MORF4L1: variants seen among roughly 807,000 people sequenced by gnomAD.
MORF4L1 encodes the protein mortality factor 4-like protein 1.
A neutral mutation model predicts 52.9 loss-of-function variants in MORF4L1; 4 were observed. The ratio of observed to expected loss-of-function variants is 0.08; its 90% CI spans 0.04 to 0.17. The LOEUF is 0.17. Ranked by LOEUF, MORF4L1 falls within the 10% of genes least tolerant of loss-of-function variation. MORF4L1 has a pLI of 1.00. For synonymous variants in MORF4L1, 123 were observed against 134.8 expected (o/e 0.91, Z 0.61); for missense variants, 214 against 390.4 (o/e 0.55, Z 3.81).
intron 2 of MORF4L1, among the ~76,000 whole-genome samples, chr15:78,878,731 G>A (rs2056542454): frequency 6.6e-6 from 1 of 152,178 alleles, no homozygotes; most frequent in Non-Finnish European, 1.5e-5. Flanking sequence ...TTGTATCAGG[G>A]TGTGCTCAAG....
intron 3 of MORF4L1, among the ~76,000 whole-genome samples, chr15:78,884,674 CACACACACA>C (rs2056667314): frequency 6.8e-6 from 1 of 146,944 alleles, no homozygotes; most frequent in Non-Finnish European, 1.5e-5. Context: ...CACACACACA[CACACACACA>C]CACAAATATC....
chr15:78,880,902 T>C (rs2056590289), intron 3 of MORF4L1, among the ~76,000 whole-genome samples: 1 of 151,906 alleles, frequency 6.6e-6, no homozygotes, highest in Admixed American at 6.6e-5. Context: ...GGTACATTTT[T>C]AGGATGGCCT....
intron 5 of MORF4L1, among the ~76,000 whole-genome samples, chr15:78,889,742 G>A (rs915900401): frequency 2.6e-5 from 4 of 152,044 alleles, no homozygotes; most frequent in Non-Finnish European, 5.9e-5. Context: ...CCAAACATAA[G>A]TTAATTTGAA....
At chr15:78,891,238 C>A in intron 6 of MORF4L1, 1 of 670,736 alleles carries the variant, frequency 1.5e-6, no homozygotes, top group South Asian at 1.7e-5. Flanking sequence ...TTAATGTCTC[C>A]CACTGAGAAG....
At chr15:78,887,561 A>G (rs1404411864) in intron 5 of MORF4L1, 14 of 423,504 alleles carry the variant, frequency 3.3e-5, no homozygotes, top group Non-Finnish European at 3.4e-5. Context: ...ACTTGTGTGT[A>G]TAAATATATG....
chr15:78,886,708 C>T (rs56687292), intron 4 of MORF4L1, among the ~76,000 whole-genome samples: 19,711 of 152,156 alleles, frequency 0.13, 1,351 homozygotes, highest in East Asian at 0.26. Flanking sequence ...GTAATCCCAG[C>T]ATTTTGGGAG....
chr15:78,896,168 G>A (rs1231149717), intron 11 of MORF4L1, among the ~76,000 whole-genome samples: 1 of 151,840 alleles, frequency 6.6e-6, no homozygotes, highest in African/African-American at 2.4e-5. Context: ...TAGTAGAGAT[G>A]GGGTTTTGCC....
intron 1 of MORF4L1, among the ~76,000 whole-genome samples, chr15:78,877,112 GATTTTT>G (rs1202611929): frequency 3.2e-5 from 3 of 94,424 alleles, no homozygotes; most frequent in Admixed American, 1.6e-4. Flanking sequence ...ACGCCCGGCT[GATTTTT>G]TTTTTTTTTT....
Position 78,880,453 on chromosome 15 carries a change from A to G in MORF4L1, c.88-59A>G, listed in dbSNP as rs1596241506. On this transcript the variant is annotated intron_variant, in intron 2 of 11. Coordinates refer to ENST00000426013, the MANE Select transcript of MORF4L1 (RefSeq NM_006791.4). ...TAGAGTGTCTTTGAAGGATGATTTG[A>G]AAAGGTAGTGTCTTTAAAAAATTTC... The G allele has an allele frequency of 2.4e-6, 3 of 1,258,804 alleles. No homozygotes were observed. The East Asian group carries it at 7.3e-5, about 31-fold the overall frequency. The allele number at this position is 1,258,804 out of a possible 1,614,324, so 78.0% of individuals were successfully genotyped here. A position where few individuals can be genotyped will look rare whatever the true frequency, so the allele number is the denominator to read the frequency against.
At chr15:78,885,088 AT>A (rs747773683) in intron 3 of MORF4L1, 45 of 1,588,430 alleles carry the variant, frequency 2.8e-5, no homozygotes, top group Non-Finnish European at 3.7e-5. Context: ...CTCTAGGTAA[AT>A]GCATGTTTTG....
intron 4 of MORF4L1, among the ~76,000 whole-genome samples, chr15:78,887,029 A>G (rs145597368): frequency 3.6e-4 from 55 of 152,226 alleles, no homozygotes; most frequent in East Asian, 1.2e-3. Context: ...TCCAAAACAA[A>G]TGGAATTTTC....
At chr15:78,895,404 A>G (rs557987757) in intron 11 of MORF4L1, among the ~76,000 whole-genome samples, 6 of 152,164 alleles carry the variant, frequency 3.9e-5, no homozygotes, top group Non-Finnish European at 8.8e-5. Context: ...TATGTCAGAA[A>G]TAATGATGAA....
chr15:78,877,655 T>G (rs1596239380), intron 1 of MORF4L1: 1 of 152,300 alleles, frequency 6.6e-6, no homozygotes. Flanking sequence ...TTAGGCTTTA[T>G]TGTCTCATTT....
chr15:78,877,865 G>C (rs913122263), intron 1 of MORF4L1: 1 of 182,778 alleles, frequency 5.5e-6, no homozygotes, highest in African/African-American at 2.3e-5. Context: ...GATGAGGAAA[G>C]CATTTAAAAA....
chr15:78,876,541 C>T (rs975989516), intron 1 of MORF4L1: 2 of 455,856 alleles, frequency 4.4e-6, no homozygotes, highest in African/African-American at 4.0e-5. Flanking sequence ...GCCTCGGTTT[C>T]AGTGCACTTT....
intron 1 of MORF4L1, among the ~76,000 whole-genome samples, chr15:78,874,268 A>G (rs923531863): frequency 1.3e-5 from 2 of 152,164 alleles, no homozygotes; most frequent in Admixed American, 1.3e-4. Context: ...GGGTTTTTAG[A>G]CTTGCATTAG....
intron 3 of MORF4L1, among the ~76,000 whole-genome samples, chr15:78,883,958 C>G (rs1352010961): frequency 1.3e-5 from 2 of 152,088 alleles, no homozygotes; most frequent in East Asian, 3.9e-4. Flanking sequence ...GTAATCCCAG[C>G]ACTTTGGGAG....
At chr15:78,890,740 C>T (rs1465899610) in intron 5 of MORF4L1, 3 of 250,972 alleles carry the variant, frequency 1.2e-5, no homozygotes, top group Non-Finnish European at 1.5e-5. Context: ...TCTTCACCTC[C>T]CAAAATGCTG....
At chr15:78,883,638 G>A (rs148797635) in intron 3 of MORF4L1, among the ~76,000 whole-genome samples, 145 of 152,256 alleles carry the variant, frequency 9.5e-4, no homozygotes, top group African/African-American at 3.3e-3. Flanking sequence ...AGAAAAAATA[G>A]CATCAAATAT....
Sources: allele counts gnomAD v4.1 joint callset (sites outside exome capture counted in the v4.1 genomes callset), GRCh38; gene constraint gnomAD v4.1.1; transcripts MANE v1.5; gene names NCBI Gene and HGNC (gene_info 2026-07-23, HGNC 2026-07-21).